Variants in VWA3B observed in about 807,000 individuals in gnomAD.
VWA3B encodes von Willebrand factor A domain-containing protein 3B.
In VWA3B, 138 loss-of-function variants were observed where a neutral mutation model predicts 158.3. That is an observed-to-expected ratio of 0.87 (90% CI 0.76 to 1.00). The LOEUF (loss-of-function observed/expected upper bound fraction) is 1.00. Ranked by LOEUF, VWA3B falls within the 50% of genes least tolerant of loss-of-function variation. VWA3B has a pLI of 0.00. For missense variants in VWA3B, 1,555 were observed against 1,565.1 expected, an observed-to-expected ratio of 0.99 and a Z score of 0.11; for synonymous variants, 596 against 587.3, an observed-to-expected ratio of 1.01 and a Z score of -0.21.
chr2:98,248,863 CTTTCTTTCT>C (rs1553427599), intron 19 of VWA3B, among the ~76,000 whole-genome samples: 5,690 of 49,132 alleles, frequency 0.12, 202 homozygotes, highest in Middle Eastern at 0.16. Flanking sequence ...TTCTTTCTTT[CTTTCTTTCT>C]TTCTTTCTTT....
intron 4 of VWA3B, 99 bp downstream of exon 4, chr2:98,119,862 G>C (rs1381131246): frequency 2.8e-6 from 4 of 1,410,788 alleles, no homozygotes; most frequent in African/African-American, 1.4e-5. Context: ...GCTCTCTGGT[G>C]AGGGAAGAGG....
intron 9 of VWA3B, among the ~76,000 whole-genome samples, chr2:98,181,739 G>A (rs552127182): frequency 6.6e-6 from 1 of 152,324 alleles, no homozygotes; most frequent in South Asian, 2.1e-4. Flanking sequence ...TAGGAATACA[G>A]CTTCTCCTAG....
chr2:98,098,533 C>T (rs755260343), intron 2 of VWA3B, among the ~76,000 whole-genome samples: 16 of 152,068 alleles, frequency 1.1e-4, no homozygotes, highest in Non-Finnish European at 1.9e-4. Flanking sequence ...ATAGCTACCC[C>T]TGTTCTCCTT....
At chr2:98,185,249 A>G (rs1028496289) in intron 9 of VWA3B, among the ~76,000 whole-genome samples, 1 of 152,144 alleles carries the variant, frequency 6.6e-6, no homozygotes, top group African/African-American at 2.4e-5. Context: ...CCACCAGGAT[A>G]TAAAAGTTAC....
intron 7 of VWA3B, among the ~76,000 whole-genome samples, chr2:98,154,937 G>A (rs1188969823): frequency 6.6e-6 from 1 of 152,196 alleles, no homozygotes; most frequent in Non-Finnish European, 1.5e-5. Flanking sequence ...TCTCTTCAAG[G>A]GACCTGTGTT....
In VWA3B at chr2:98,286,600, A is replaced by G. The variant is rs144269688; in HGVS notation, c.3046-3911A>G. ...TTTGTTCTATTAATATGGGTGTTAAACCAGTGTTGCATTCCAGGGACAAAT... is the reference window on the plus strand; with the variant it reads ...TTTGTTCTATTAATATGGGTGTTAAGCCAGTGTTGCATTCCAGGGACAAAT... On this transcript the variant is annotated intron_variant, in intron 22 of 27. Coordinates refer to ENST00000477737, the MANE Select transcript of VWA3B (RefSeq NM_144992.5). Among the ~76,000 whole-genome samples the G allele has an allele frequency of 1.2e-4, 19 of 152,260 alleles. No homozygotes were observed. In the East Asian group the frequency reaches 3.1e-3, roughly 25 times the overall value.
intron 7 of VWA3B, among the ~76,000 whole-genome samples, chr2:98,139,526 T>C (rs1439411766): frequency 6.6e-6 from 1 of 152,066 alleles, no homozygotes; most frequent in African/African-American, 2.4e-5. Context: ...AATACACCAA[T>C]CGGCACTCTG....
chr2:98,148,309 C>T (rs916253887), intron 7 of VWA3B, among the ~76,000 whole-genome samples: 3 of 152,050 alleles, frequency 2.0e-5, no homozygotes, highest in African/African-American at 4.8e-5. Flanking sequence ...TGAAGAAATT[C>T]GTGTCAATTA....
intron 14 of VWA3B, among the ~76,000 whole-genome samples, chr2:98,227,343 G>A (rs1684998885): frequency 6.6e-6 from 1 of 152,118 alleles, no homozygotes; most frequent in South Asian, 2.1e-4. Context: ...TACAAGGGAC[G>A]TGAAGGACCT....
intron 8 of VWA3B, among the ~76,000 whole-genome samples, chr2:98,170,113 C>T (rs889074526): frequency 6.6e-6 from 1 of 151,912 alleles, no homozygotes; most frequent in African/African-American, 2.4e-5. Flanking sequence ...GGTGACAGAG[C>T]GAGACTCTGT....
Position 98,212,016 on chromosome 2 carries a change from G to T in VWA3B, c.1824G>T (p.Gly608=), listed in dbSNP as rs759340880. 1.2e-6 allele frequency: 2 copies of T among 1,613,924 alleles called. No individual in the cohort carries two copies. Among genetic ancestry groups the T allele is most frequent in the Non-Finnish European group, 1.7e-6 (2 of 1,179,946 alleles). The change falls in exon 13 of 28, where the codon GGG becomes GGT. Residue 608 remains glycine, a synonymous_variant. Transcript: ENST00000477737. ...AGGCAATCTACCTTCTGACCGATGG[G>T]AGACCTGATCAGGTACTTACCAGAG... ...ETQAIYLLTD[G]RPDQPPETVI...
At chr2:98,208,007 T>C (rs538763573) in intron 12 of VWA3B, among the ~76,000 whole-genome samples, 3 of 152,270 alleles carry the variant, frequency 2.0e-5, no homozygotes, top group South Asian at 2.1e-4. Flanking sequence ...TTTCTTTTCA[T>C]CTCCATCAAA....
the VWA3B span, among the ~76,000 whole-genome samples, chr2:98,326,148 A>T: frequency 6.6e-6 from 1 of 152,224 alleles, no homozygotes; most frequent in African/African-American, 2.4e-5. Flanking sequence ...TATTTGAAAT[A>T]AACAAACAAC....
intron 19 of VWA3B, among the ~76,000 whole-genome samples, chr2:98,246,766 C>T (rs1036092520): frequency 6.6e-6 from 1 of 152,048 alleles, no homozygotes; most frequent in Non-Finnish European, 1.5e-5. Context: ...ACTGGAAGCA[C>T]CATTATGAAA....
chr2:98,236,749 C>T lies in VWA3B; in HGVS notation c.2673+19C>T, dbSNP rs373475606. ...TGATGAGGTAAACTGATTGTCTATACGTCCCTACTTGAGGCCATTTTCATT... is the reference window on the plus strand; with the variant it reads ...TGATGAGGTAAACTGATTGTCTATATGTCCCTACTTGAGGCCATTTTCATT... On this transcript the variant is annotated intron_variant, in intron 19 of 27. Transcript: ENST00000477737. 3.5e-5 allele frequency: 55 copies of T among 1,589,406 alleles called. No homozygotes were observed. Among genetic ancestry groups the T allele is most frequent in the East Asian group, 1.6e-4 (7 of 44,588 alleles).
the VWA3B span, among the ~76,000 whole-genome samples, chr2:98,322,802 T>C: frequency 3.9e-5 from 6 of 152,118 alleles, no homozygotes; most frequent in African/African-American, 7.2e-5. Context: ...CACTATATTA[T>C]GTAGGCATAG....
intron 2 of VWA3B, among the ~76,000 whole-genome samples, chr2:98,105,421 A>G (rs1231607956): frequency 1.3e-5 from 2 of 152,244 alleles, no homozygotes; most frequent in Non-Finnish European, 2.9e-5. Flanking sequence ...TTGCAAGTCT[A>G]TATAATTTTA....
At chr2:98,273,523 C>CT (rs1362427717) in intron 22 of VWA3B, among the ~76,000 whole-genome samples, 1 of 152,218 alleles carries the variant, frequency 6.6e-6, no homozygotes, top group Non-Finnish European at 1.5e-5. Flanking sequence ...CCTGCATGCC[C>CT]TGTGGGCACC....
chr2:98,286,902 T>G (rs1302809475), intron 22 of VWA3B, among the ~76,000 whole-genome samples: 1 of 152,056 alleles, frequency 6.6e-6, no homozygotes. Context: ...GTGGCTTCTA[T>G]TTATTGTGTT....
Sources: allele counts gnomAD v4.1 joint callset (sites outside exome capture counted in the v4.1 genomes callset), GRCh38; gene constraint gnomAD v4.1.1; transcripts MANE v1.5; gene names NCBI Gene and HGNC (gene_info 2026-07-23, HGNC 2026-07-21).